Variants in MYO1D observed in about 807,000 individuals in gnomAD.
MYO1D encodes unconventional myosin-Id.
In MYO1D, 83 loss-of-function variants were observed where a neutral mutation model predicts 122.0. The observed-to-expected ratio is 0.68, with a 90% CI of 0.57 to 0.82. MYO1D has a LOEUF of 0.82. Among genes scored for constraint, MYO1D ranks in the 40% least tolerant of loss-of-function variants. The pLI is 0.00. For synonymous variants in MYO1D, 464 were observed against 446.9 expected, an observed-to-expected ratio of 1.04 and a Z score of -0.48; for missense variants, 1,157 against 1,269.5, an observed-to-expected ratio of 0.91 and a Z score of 1.35.
At chr17:32,747,980 T>G (rs2089855317) in intron 12 of MYO1D, among the ~76,000 whole-genome samples, 1 of 152,160 alleles carries the variant, frequency 6.6e-6, no homozygotes, top group Non-Finnish European at 1.5e-5. Flanking sequence ...AACAGACTCC[T>G]CTCTACAGGA....
chr17:32,826,798 A>G (rs1390478988), intron 1 of MYO1D, among the ~76,000 whole-genome samples: 1 of 152,244 alleles, frequency 6.6e-6, no homozygotes, highest in African/African-American at 2.4e-5. Context: ...TGCATTTATC[A>G]TACTGTTTCA....
At chr17:32,810,811 T>C (rs2090564243) in intron 1 of MYO1D, among the ~76,000 whole-genome samples, 1 of 152,232 alleles carries the variant, frequency 6.6e-6, no homozygotes, top group Non-Finnish European at 1.5e-5. Flanking sequence ...CTTATCACAA[T>C]TTCCTCGGCT....
chr17:32,532,396 G>A (rs1286270527), intron 21 of MYO1D, among the ~76,000 whole-genome samples: 1 of 151,884 alleles, frequency 6.6e-6, no homozygotes, highest in African/African-American at 2.4e-5. Flanking sequence ...GTGACCCACG[G>A]CCTTAAAAGA....
chr17:32,639,791 CAAACCAACAAACAGAAAACTTAA>C (rs1393779107), intron 19 of MYO1D, among the ~76,000 whole-genome samples: 1 of 152,162 alleles, frequency 6.6e-6, no homozygotes, highest in East Asian at 1.9e-4. Context: ...GAATGCAAAC[CAAACCAACAAACAGAAAACTTAA>C]AAAGCCCTCC....
chr17:32,676,237 A>G (rs577938016), intron 16 of MYO1D, among the ~76,000 whole-genome samples: 1 of 152,306 alleles, frequency 6.6e-6, no homozygotes, highest in South Asian at 2.1e-4. Flanking sequence ...GTTTAAAAGA[A>G]TTAAATAAAT....
At chr17:32,636,797 TC>T (rs1165061598) in intron 20 of MYO1D, among the ~76,000 whole-genome samples, 5 of 152,198 alleles carry the variant, frequency 3.3e-5, no homozygotes, top group African/African-American at 7.2e-5. Flanking sequence ...CCTAGGCACT[TC>T]CAGCCCTCTG....
chr17:32,861,365 C>T (rs1254852305), intron 1 of MYO1D, among the ~76,000 whole-genome samples: 1 of 152,132 alleles, frequency 6.6e-6, no homozygotes, highest in Non-Finnish European at 1.5e-5. Flanking sequence ...CGCACCTGGC[C>T]TGTATTTATT....
At chr17:32,499,467 C>G (rs1391534609) in intron 21 of MYO1D, 1 of 151,774 alleles carries the variant, frequency 6.6e-6, no homozygotes, top group African/African-American at 2.4e-5. Context: ...AACCCAGTCT[C>G]TACTAAAAAT....
intron 19 of MYO1D, among the ~76,000 whole-genome samples, chr17:32,646,244 T>C (rs1235884644): frequency 2.0e-5 from 3 of 152,216 alleles, no homozygotes. Context: ...AAATATTCAA[T>C]AGAACACTGG....
At chr17:32,600,945 T>C (rs8067382) in intron 21 of MYO1D, among the ~76,000 whole-genome samples, 70,448 of 150,222 alleles carry the variant, frequency 0.47, 17,069 homozygotes, top group Middle Eastern at 0.58. Context: ...TCTAGCTTTT[T>C]CTTTTCCCTT....
intron 1 of MYO1D, among the ~76,000 whole-genome samples, chr17:32,824,572 G>T (rs1433374199): frequency 6.6e-6 from 1 of 152,182 alleles, no homozygotes; most frequent in Non-Finnish European, 1.5e-5. Context: ...CTGTTAAGGA[G>T]CAAATAATTA....
In MYO1D at chr17:32,778,726, G is replaced by A. The variant is rs184646258; in HGVS notation, c.305-153C>T. ...TTTTTTTGCTTTTTTGAGTTATTTC[G>A]TCCTGCCTTGATATGGTTAGTGGTT... is the stretch of plus-strand genomic sequence containing the variant. On this transcript the variant is annotated intron_variant, in intron 2 of 21. Coordinates refer to ENST00000318217, the MANE Select transcript of MYO1D (RefSeq NM_015194.3). Among the ~76,000 whole-genome samples the A allele has an allele frequency of 3.7e-4, 56 of 152,120 alleles. No homozygotes were observed. In the East Asian group the frequency reaches 5.0e-3, roughly 14 times the overall value.
intron 14 of MYO1D, among the ~76,000 whole-genome samples, chr17:32,721,789 C>T (rs565614947): frequency 6.6e-6 from 1 of 152,302 alleles, no homozygotes; most frequent in South Asian, 2.1e-4. Context: ...GCTAGCAATC[C>T]TTCCCTCTGT....
In MYO1D at chr17:32,719,024, T is replaced by C. The variant is rs146208059; in HGVS notation, c.1913+1999A>G. On this transcript the variant is annotated intron_variant, in intron 15 of 21. Coordinates refer to ENST00000318217, the MANE Select transcript of MYO1D (RefSeq NM_015194.3). ...AAGTGAACATAGAGATGTGTCAAAG[T>C]TAACATAGTCAAGAGAATAATCTTG... Among the ~76,000 whole-genome samples the C allele has an allele frequency of 3.8e-3, 573 of 152,360 alleles. 2 individuals carry two copies. Among genetic ancestry groups the C allele is most frequent in the African/African-American group, 0.013 (551 of 41,578 alleles).
Position 32,638,712 on chromosome 17 carries a change from G to A in MYO1D, c.2709+10C>T. 1 of 1,568,874 alleles carries A rather than the reference G, an allele frequency of 6.4e-7. No homozygotes were observed. On this transcript the variant is annotated intron_variant, in intron 20 of 21. Coordinates refer to ENST00000318217, the MANE Select transcript of MYO1D (RefSeq NM_015194.3). ...GAATCTTTATCCAGAGAGAAGCACAGAGGACTTACATTGTATAGAGGGATA... is the reference window on the plus strand; with the variant it reads ...GAATCTTTATCCAGAGAGAAGCACAAAGGACTTACATTGTATAGAGGGATA...
intron 1 of MYO1D, among the ~76,000 whole-genome samples, chr17:32,782,048 G>A (rs530578200): frequency 1.3e-5 from 2 of 152,328 alleles, no homozygotes; most frequent in Non-Finnish European, 2.9e-5. Flanking sequence ...ATGTCTCTAA[G>A]CACGCTTGCT....
At position 32,810,756 on chromosome 17, in the gene MYO1D, C is replaced by T. The variant is rs115363830; in HGVS notation, c.96-29972G>A. The stretch of plus-strand genomic sequence containing the variant: ...CCTCCCACAGTGCTGGGATTACAGG[C>T]GTGAGAAATCTAACTTTTAATATGC... On this transcript the variant is annotated intron_variant, in intron 1 of 21. Transcript: ENST00000318217. 8.5e-3 allele frequency among the ~76,000 whole-genome samples: 1,300 copies of T among 152,244 alleles called. 16 individuals are homozygous for T. Among genetic ancestry groups the T allele is most frequent in the African/African-American group, 0.029 (1,193 of 41,552 alleles).
At chr17:32,579,833 T>A (rs1444723716) in intron 21 of MYO1D, among the ~76,000 whole-genome samples, 1 of 152,260 alleles carries the variant, frequency 6.6e-6, no homozygotes, top group Non-Finnish European at 1.5e-5. Flanking sequence ...ATTCTTTTTA[T>A]TACCGAGTAG....
chr17:32,684,413 G>A (rs529515174), intron 16 of MYO1D: 1 of 152,298 alleles, frequency 6.6e-6, no homozygotes, highest in South Asian at 2.1e-4. Context: ...TGTAATCCAT[G>A]AGGACAAGGA....
Sources: allele counts gnomAD v4.1 joint callset (sites outside exome capture counted in the v4.1 genomes callset), GRCh38; gene constraint gnomAD v4.1.1; transcripts MANE v1.5; gene names NCBI Gene and HGNC (gene_info 2026-07-23, HGNC 2026-07-21).